ENTREP2: variants seen among roughly 807,000 people sequenced by gnomAD.
ENTREP2 encodes the protein protein ENTREP2.
the ENTREP2 span, among the ~76,000 whole-genome samples, chr15:29,512,343 C>G: frequency 6.6e-6 from 1 of 152,172 alleles, no homozygotes; most frequent in Admixed American, 6.6e-5. Context: ...AAAAGACAGA[C>G]AGAAATAGAA....
chr15:29,392,079 C>T, the ENTREP2 span, among the ~76,000 whole-genome samples: 1 of 152,064 alleles, frequency 6.6e-6, no homozygotes, highest in Admixed American at 6.6e-5. Context: ...CTGCCCGCCT[C>T]AGCCTCCCAA....
chr15:29,665,543 G>A, the ENTREP2 span, among the ~76,000 whole-genome samples: 1 of 152,192 alleles, frequency 6.6e-6, no homozygotes, highest in African/African-American at 2.4e-5. Context: ...CCTCGTGGGA[G>A]GAAAACTGGG....
chr15:29,386,217 G>A, the ENTREP2 span, among the ~76,000 whole-genome samples: 1 of 152,186 alleles, frequency 6.6e-6, no homozygotes, highest in Non-Finnish European at 1.5e-5. Flanking sequence ...GTCTAACTGA[G>A]CTGATTAACA....
the ENTREP2 span, chr15:29,613,218 G>A: frequency 1.2e-5 from 2 of 165,290 alleles, no homozygotes; most frequent in South Asian, 1.6e-4. Flanking sequence ...AATAAAAAGC[G>A]TTTCTTTTCT....
the ENTREP2 span, chr15:29,570,051 AC>A: frequency 6.8e-5 from 4 of 58,630 alleles, no homozygotes; most frequent in Middle Eastern, 0.017. Flanking sequence ...CCCCCACCCC[AC>A]CCCCCACCCC....
chr15:29,123,850 G>A, the ENTREP2 span, among the ~76,000 whole-genome samples: 1 of 152,238 alleles, frequency 6.6e-6, no homozygotes, highest in East Asian at 1.9e-4. Context: ...TCAACCTCCA[G>A]GGGCTGCAGC....
At chr15:29,553,666 G>A in the ENTREP2 span, among the ~76,000 whole-genome samples, 1,672 of 152,230 alleles carry the variant, frequency 0.011, 32 homozygotes, top group African/African-American at 0.038. Context: ...AGTGTTCTTG[G>A]GATACTAGCT....
chr15:29,388,879 C>T, the ENTREP2 span, among the ~76,000 whole-genome samples: 166 of 147,278 alleles, frequency 1.1e-3, no homozygotes, highest in Non-Finnish European at 1.8e-3. Context: ...AAACCAAACA[C>T]TGCATGTTCT....
At chr15:29,195,365 G>A in the ENTREP2 span, 1 of 975,680 alleles carries the variant, frequency 1.0e-6, no homozygotes, top group Non-Finnish European at 1.2e-6. Flanking sequence ...CAAGGTCAAC[G>A]CTTTCCTCCT....
chr15:29,656,669 A>T, the ENTREP2 span, among the ~76,000 whole-genome samples: 1 of 152,224 alleles, frequency 6.6e-6, no homozygotes, highest in Non-Finnish European at 1.5e-5. Context: ...GTACACACGT[A>T]TTAAAATGGC....
chr15:29,389,155 GAA>G, the ENTREP2 span, among the ~76,000 whole-genome samples: 1 of 140,138 alleles, frequency 7.1e-6, no homozygotes, highest in Non-Finnish European at 1.6e-5. Context: ...CAGGAACTAT[GAA>G]AAAAAAAAAA....
chr15:29,586,068 T>TA, the ENTREP2 span, among the ~76,000 whole-genome samples: 1 of 152,188 alleles, frequency 6.6e-6, no homozygotes, highest in Admixed American at 6.5e-5. Flanking sequence ...TAACAACCTA[T>TA]ATATCCCTCA....
the ENTREP2 span, among the ~76,000 whole-genome samples, chr15:29,539,429 G>A: frequency 5.3e-5 from 8 of 152,064 alleles, no homozygotes; most frequent in Non-Finnish European, 1.2e-4. Flanking sequence ...GAAAGTTTCA[G>A]AATCTGGGCT....
At chr15:29,628,410 G>C in the ENTREP2 span, among the ~76,000 whole-genome samples, 1 of 152,096 alleles carries the variant, frequency 6.6e-6, no homozygotes, top group Non-Finnish European at 1.5e-5. Flanking sequence ...CTTTACATTT[G>C]TGAAGGTTTG....
At chr15:29,140,907 G>A in the ENTREP2 span, among the ~76,000 whole-genome samples, 3 of 152,224 alleles carry the variant, frequency 2.0e-5, no homozygotes, top group Non-Finnish European at 4.4e-5. Context: ...ACCTGTGTCT[G>A]GTGCCCAGCT....
At chr15:29,668,458 C>G in the ENTREP2 span, among the ~76,000 whole-genome samples, 1 of 152,126 alleles carries the variant, frequency 6.6e-6, no homozygotes, top group African/African-American at 2.4e-5. Context: ...ACTTGTACAT[C>G]AATGTTCCTA....
the ENTREP2 span, chr15:29,151,705 G>C: frequency 6.6e-7 from 1 of 1,509,600 alleles, no homozygotes; most frequent in East Asian, 2.5e-5. Flanking sequence ...TTCAAACCGC[G>C]CAGAGGAGGA....
the ENTREP2 span, chr15:29,123,759 T>C: frequency 1.6e-6 from 2 of 1,231,952 alleles, no homozygotes; most frequent in Admixed American, 2.7e-5. Context: ...CTGGGGTTTC[T>C]GTGTTCCTGG....
chr15:29,400,832 T>C, the ENTREP2 span, among the ~76,000 whole-genome samples: 1 of 152,266 alleles, frequency 6.6e-6, no homozygotes, highest in African/African-American at 2.4e-5. Flanking sequence ...AGAACAAGTC[T>C]GTGCCTTTGA....
Sources: gnomAD v4.1 joint callset for allele counts (sites outside exome capture counted in the v4.1 genomes callset) on GRCh38, gnomAD v4.1.1 for gene constraint, MANE v1.5 for transcripts, NCBI Gene and HGNC (gene_info 2026-07-23, HGNC 2026-07-21) for gene names.